The following HMGXB4 variants were observed in gnomAD, a reference collection of about 807,000 sequenced individuals.
The protein encoded by HMGXB4 is HMG domain-containing protein 4.
HMGXB4 carries 27 observed loss-of-function variants against 63.9 expected under a neutral mutation model. The observed-to-expected ratio is 0.42, with a 90% CI of 0.31 to 0.58. The LOEUF is 0.58. HMGXB4 is among the 20% of genes least tolerant of loss of function. The pLI is 0.13. For synonymous variants in HMGXB4, 264 were observed against 265.3 expected, an observed-to-expected ratio of 0.99 and a Z score of 0.05; for missense variants, 624 against 700.7, an observed-to-expected ratio of 0.89 and a Z score of 1.24.
chr22:35,287,000 A>G (rs1211434888), intron 7 of HMGXB4: 4 of 198,414 alleles, frequency 2.0e-5, no homozygotes, highest in African/African-American at 4.6e-5. Context: ...TTATTCTGCT[A>G]TTGTGTTGGT....
chr22:35,246,344 G>A, the HMGXB4 span, among the ~76,000 whole-genome samples: 90,838 of 151,742 alleles, frequency 0.6, 29,354 homozygotes, highest in Non-Finnish European at 0.73. Context: ...GCACGATCTC[G>A]GCTCACTGCA....
At chr22:35,282,279 C>T (rs1236001542) in intron 5 of HMGXB4, among the ~76,000 whole-genome samples, 1 of 152,218 alleles carries the variant, frequency 6.6e-6, no homozygotes, top group Non-Finnish European at 1.5e-5. Flanking sequence ...CGGGTTCACA[C>T]CATTCTCCTG....
intron 7 of HMGXB4, among the ~76,000 whole-genome samples, chr22:35,286,588 G>A (rs1221183679): frequency 1.3e-5 from 2 of 152,162 alleles, no homozygotes; most frequent in African/African-American, 2.4e-5. Flanking sequence ...GGTGGCTCAC[G>A]CCTGTAGTTC....
the HMGXB4 span, among the ~76,000 whole-genome samples, chr22:35,247,436 G>A: frequency 1.3e-5 from 2 of 152,318 alleles, no homozygotes; most frequent in African/African-American, 4.8e-5. Flanking sequence ...TGCATTAGCT[G>A]ATCACTATTT....
chr22:35,280,667 C>T (rs1230205209), intron 5 of HMGXB4, among the ~76,000 whole-genome samples: 1 of 152,220 alleles, frequency 6.6e-6, no homozygotes, highest in Non-Finnish European at 1.5e-5. Context: ...TGAATGGCAT[C>T]TTCCGGACAG....
rs568748750 is a variant in HMGXB4, at chr22:35,280,565, G to T, written c.1216-3397G>T. On this transcript the variant is annotated intron_variant, in intron 5 of 10. Transcript: ENST00000216106. ...GCACTCCTGCAGCAGCCTCCTGATT[G>T]GTCTTCCTGCCTTTGCTCTTGTTCT... Among the ~76,000 whole-genome samples the T allele has an allele frequency of 2.0e-5, 3 of 152,138 alleles. No homozygotes were observed. The East Asian group carries it at 5.8e-4, about 29-fold the overall frequency.
the HMGXB4 span, among the ~76,000 whole-genome samples, chr22:35,244,457 A>T: frequency 2.0e-5 from 3 of 152,084 alleles, no homozygotes; most frequent in Admixed American, 6.5e-5. Context: ...CTTCCCTTAA[A>T]AACAAAATTT....
intron 1 of HMGXB4, among the ~76,000 whole-genome samples, chr22:35,261,535 T>G (rs147043798): frequency 3.8e-4 from 58 of 151,374 alleles, no homozygotes; most frequent in African/African-American, 1.4e-3. Flanking sequence ...CAAAAAAGGT[T>G]GTAAAAATTC....
intron 5 of HMGXB4, among the ~76,000 whole-genome samples, chr22:35,273,610 A>G (rs1923736989): frequency 6.6e-6 from 1 of 152,254 alleles, no homozygotes; most frequent in Non-Finnish European, 1.5e-5. Context: ...TTTTGTTTTC[A>G]GCCACTCATT....
chr22:35,273,376 A>C (rs1431547014), intron 5 of HMGXB4, among the ~76,000 whole-genome samples: 2 of 152,196 alleles, frequency 1.3e-5, no homozygotes, highest in African/African-American at 4.8e-5. Context: ...CAAATTCAGC[A>C]GACTTGGATT....
intron 5 of HMGXB4, among the ~76,000 whole-genome samples, chr22:35,283,624 T>TA (rs1308807358): frequency 1.3e-5 from 2 of 152,080 alleles, no homozygotes; most frequent in African/African-American, 4.8e-5. Context: ...ACCCCATCTC[T>TA]ACTAAAAATA....
At chr22:35,251,067 A>C in the HMGXB4 span, among the ~76,000 whole-genome samples, 4 of 136,038 alleles carry the variant, frequency 2.9e-5, no homozygotes, top group East Asian at 6.5e-4. Flanking sequence ...AATGCCTATA[A>C]CTTTCTTTCT....
chr22:35,270,103 A>G (rs1428908812), intron 5 of HMGXB4, among the ~76,000 whole-genome samples: 3 of 152,232 alleles, frequency 2.0e-5, no homozygotes, highest in Non-Finnish European at 4.4e-5. Flanking sequence ...TCCCCAGACC[A>G]CAGACCAGTA....
At chr22:35,256,745 C>T (rs1347036035), upstream of HMGXB4, among the ~76,000 whole-genome samples, 2 of 152,200 alleles carry the variant, frequency 1.3e-5, no homozygotes, top group African/African-American at 4.8e-5. Context: ...AGGTGATCCA[C>T]CCACCTCAGC....
chr22:35,274,529 A>G (rs377204551), intron 5 of HMGXB4, among the ~76,000 whole-genome samples: 9 of 152,162 alleles, frequency 5.9e-5, no homozygotes, highest in South Asian at 2.1e-4. Flanking sequence ...ACTATGTATC[A>G]CTGAATTTTC....
chr22:35,291,916 T>C (rs1924954222), intron 9 of HMGXB4, among the ~76,000 whole-genome samples: 1 of 152,108 alleles, frequency 6.6e-6, no homozygotes, highest in African/African-American at 2.4e-5. Context: ...GGGGGAGATG[T>C]TGACAAGGAG....
chr22:35,277,710 A>ATT (rs1255856103), intron 5 of HMGXB4, among the ~76,000 whole-genome samples: 4 of 152,276 alleles, frequency 2.6e-5, no homozygotes, highest in South Asian at 4.1e-4. Context: ...ATTTTTTTGC[A>ATT]GCAGCAGCTT....
intron 5 of HMGXB4, among the ~76,000 whole-genome samples, chr22:35,275,110 C>A (rs922074580): frequency 9.7e-6 from 1 of 103,532 alleles, no homozygotes. Flanking sequence ...CACCAAATTT[C>A]TTTTTTTTTT....
intron 1 of HMGXB4, among the ~76,000 whole-genome samples, chr22:35,257,767 G>A (rs1452963934): frequency 1.3e-5 from 2 of 152,176 alleles, no homozygotes; most frequent in Non-Finnish European, 2.9e-5. Flanking sequence ...GCAGAAGGAG[G>A]AGGGCGGGCG....
Sources: gnomAD v4.1 joint callset for allele counts (sites outside exome capture counted in the v4.1 genomes callset) on GRCh38, gnomAD v4.1.1 for gene constraint, MANE v1.5 for transcripts, NCBI Gene and HGNC (gene_info 2026-07-23, HGNC 2026-07-21) for gene names.